The following WHAMM variants were observed in gnomAD, a reference collection of about 807,000 sequenced individuals.
WHAMM encodes WASP homolog associated with actin, golgi membranes and microtubules.
A neutral mutation model predicts 76.5 loss-of-function variants in WHAMM; 67 were observed. The ratio of observed to expected loss-of-function variants is 0.88; its 90% confidence interval spans 0.72 to 1.07. WHAMM has a LOEUF of 1.07. WHAMM is among the 50% of genes least tolerant of loss of function. WHAMM has a pLI of 0.00. For synonymous variants in WHAMM, 419 were observed against 422.1 expected, an observed-to-expected ratio of 0.99 and a Z score of 0.09; for missense variants, 1,021 against 1,051.1, an observed-to-expected ratio of 0.97 and a Z score of 0.40.
At chr15:82,817,716 T>A (rs2050749969) in intron 3 of WHAMM, among the ~76,000 whole-genome samples, 1 of 152,192 alleles carries the variant, frequency 6.6e-6, no homozygotes, top group African/African-American at 2.4e-5. Flanking sequence ...AGATCATGAC[T>A]TACTGTCTTT....
chr15:82,810,590 C>A (rs1418836170), intron 1 of WHAMM: 1 of 985,310 alleles, frequency 1.0e-6, no homozygotes, highest in Non-Finnish European at 1.2e-6. Context: ...TGGGCTAGGC[C>A]CCCAACTTTT....
At chr15:82,827,750 G>A (rs1015668814) in intron 8 of WHAMM, among the ~76,000 whole-genome samples, 1 of 152,126 alleles carries the variant, frequency 6.6e-6, no homozygotes, top group African/African-American at 2.4e-5. Context: ...TTTGAGACCA[G>A]GCTGGGCAAC....
At chr15:82,818,176 TTTTG>T (rs2050759527) in intron 4 of WHAMM, 87 bp downstream of exon 4, 1 of 1,397,926 alleles carries the variant, frequency 7.2e-7, no homozygotes, top group African/African-American at 1.4e-5. Flanking sequence ...CAAGTGCAGT[TTTTG>T]TTCCATGGAT....
chr15:82,816,264 T>C (rs1185068303), intron 2 of WHAMM, among the ~76,000 whole-genome samples: 2 of 152,320 alleles, frequency 1.3e-5, no homozygotes, highest in East Asian at 3.9e-4. Flanking sequence ...ATACAGATAC[T>C]ATATTTTAGG....
At position 82,809,902 on chromosome 15, in the gene WHAMM, C is replaced by T. The variant is rs1247444112; in HGVS notation, c.176C>T (p.Ala59Val). Residue 59 changes from alanine to valine, a missense_variant, in exon 1 of 10, where the codon GCC becomes GTC. Around this residue, in one of 3 missense-constraint regions of WHAMM, gnomAD observed 501 missense variants for 524.9 expected, o/e 0.95. Coordinates refer to ENST00000286760, the MANE Select transcript of WHAMM (RefSeq NM_001080435.3). ...CAGCAGCGGCGGCTGCGCGAGGGGGCCCGGTTGGGGCCCGAGCCCGAGCCC... is the reference window on the plus strand; with the variant it reads ...CAGCAGCGGCGGCTGCGCGAGGGGGTCCGGTTGGGGCCCGAGCCCGAGCCC... ...TAQQRRLREG[A>V]RLGPEPEPKP... 2.6e-6 allele frequency: 4 copies of T among 1,545,230 alleles called. No individual in the cohort carries two copies. Among genetic ancestry groups the T allele is most frequent in the South Asian group, 2.4e-5 (2 of 85,012 alleles).
intron 7 of WHAMM, 80 bp downstream of exon 7, chr15:82,826,576 G>A (rs530084149): frequency 1.3e-5 from 21 of 1,586,098 alleles, no homozygotes; most frequent in Non-Finnish European, 1.7e-5. Flanking sequence ...CTGGAGTTGC[G>A]CTGCCCTGGA....
At chr15:82,812,980 C>G in intron 1 of WHAMM, 123 bp from the exon 2 acceptor site, 1 of 671,802 alleles carries the variant, frequency 1.5e-6, no homozygotes, top group Non-Finnish European at 2.3e-6. Context: ...CATATTTAAT[C>G]AGTATTTAAA....
In WHAMM at chr15:82,833,563, A is replaced by C; in HGVS notation, c.*27A>C. On this transcript the variant is annotated 3_prime_UTR_variant, in exon 10 of 10. Transcript: ENST00000286760. Reference sequence around the variant, plus strand: ...CTCAAGTTTGACAAAGGCACCTGCCACAGTAGGCTTGAATAAAGTGGGTGA... The same window carrying C: ...CTCAAGTTTGACAAAGGCACCTGCCCCAGTAGGCTTGAATAAAGTGGGTGA... The C allele has an allele frequency of 6.2e-7, 1 of 1,607,434 alleles. No individual in the cohort carries two copies. Among genetic ancestry groups the C allele is most frequent in the Non-Finnish European group, 8.5e-7 (1 of 1,177,402 alleles).
chr15:82,817,961 C>T lies in WHAMM; in HGVS notation c.976C>T (p.Gln326Ter). 1 of 1,547,688 alleles carries T rather than the reference C, an allele frequency of 6.5e-7. No individual in the cohort carries two copies. Among genetic ancestry groups the T allele is most frequent in the Non-Finnish European group, 8.7e-7 (1 of 1,145,726 alleles). ...GGAACAGGATGCGAAGAGATTTGGT[C>T]AGGCTGCCTGGGCCACAGCAATTCC... is the stretch of plus-strand genomic sequence containing the variant. ...EMEQDAKRFG[Q>*]AAWATAIPRL... Residue 326 changes from glutamine to a stop codon, truncating the protein, a stop_gained, in exon 4 of 10, where the codon CAG becomes TAG. Coordinates refer to ENST00000286760, the MANE Select transcript of WHAMM (RefSeq NM_001080435.3). LOFTEE classifies it high-confidence loss of function.
rs1472068384 is a variant in WHAMM, at chr15:82,833,604, A to G, written c.*68A>G. ...AAGTGGGTGAGTCTTAGACCTATCG[A>G]AAAGCATACTAACAGGGTGCTGATA... is the stretch of plus-strand genomic sequence containing the variant. On this transcript the variant is annotated 3_prime_UTR_variant, in exon 10 of 10. Transcript: ENST00000286760. The G allele has an allele frequency of 1.3e-6, 2 of 1,521,640 alleles. No individual in the cohort carries two copies. Among genetic ancestry groups the G allele is most frequent in the Non-Finnish European group, 1.8e-6 (2 of 1,128,450 alleles). The allele number at this position is 1,521,640 out of a possible 1,614,324, so 94.3% of individuals were successfully genotyped here.
rs1240847427 is a variant in WHAMM, at chr15:82,813,580, G to A, written c.783+304G>A. On this transcript the variant is annotated intron_variant, in intron 2 of 9. Transcript: ENST00000286760. ...ATTGATAGAAAATGAAGACATTTAC[G>A]TTGGTCATCTTAATAGCTTAAGATT... Among the ~76,000 whole-genome samples the A allele has an allele frequency of 4.0e-5, 6 of 148,180 alleles. No individual in the cohort carries two copies. In the East Asian group the frequency reaches 8.0e-4, roughly 20 times the overall value.
At chr15:82,814,931 G>A (rs1476974890) in intron 2 of WHAMM, among the ~76,000 whole-genome samples, 1 of 149,134 alleles carries the variant, frequency 6.7e-6, no homozygotes, top group Non-Finnish European at 1.5e-5. Flanking sequence ...CACCATGCCC[G>A]GCTAATTTTT....
At chr15:82,822,878 AC>A (rs1285200544) in intron 5 of WHAMM, among the ~76,000 whole-genome samples, 1 of 151,444 alleles carries the variant, frequency 6.6e-6, no homozygotes, top group Non-Finnish European at 1.5e-5. Context: ...ACATGCATAC[AC>A]TACATGGATA....
At chr15:82,815,745 G>A (rs1199137938) in intron 2 of WHAMM, among the ~76,000 whole-genome samples, 1 of 152,170 alleles carries the variant, frequency 6.6e-6, no homozygotes, top group African/African-American at 2.4e-5. Context: ...TGTCTCTTTG[G>A]TTACAGCCAT....
intron 9 of WHAMM, 21 bp from the exon 10 acceptor site, chr15:82,833,208 G>C (rs762205997): frequency 6.2e-7 from 1 of 1,608,176 alleles, no homozygotes; most frequent in East Asian, 2.2e-5. Flanking sequence ...GATAGTACTA[G>C]CTCTGCTTAT....
In WHAMM at chr15:82,825,201, T is replaced by C. The variant is rs192208124; in HGVS notation, c.1459-1209T>C. On this transcript the variant is annotated intron_variant, in intron 6 of 9. Coordinates refer to ENST00000286760, the MANE Select transcript of WHAMM (RefSeq NM_001080435.3). Reference sequence around the variant, plus strand: ...TGTTTGTGTTTAAGAATTGTACTTCTGGATTTAGGAACTGTTATTCAGAGG... The same window carrying C: ...TGTTTGTGTTTAAGAATTGTACTTCCGGATTTAGGAACTGTTATTCAGAGG... Among the ~76,000 whole-genome samples, 639 of 152,344 alleles carry C rather than the reference T, an allele frequency of 4.2e-3. 21 individuals carry two copies. The highest frequency in any genetic ancestry group is 0.037 in the Admixed American group (564 of 15,304).
At chr15:82,833,177 G>C in intron 9 of WHAMM, 52 bp from the exon 10 acceptor site, 1 of 1,550,634 alleles carries the variant, frequency 6.4e-7, no homozygotes, top group Non-Finnish European at 8.8e-7. Context: ...GTAATGTCCT[G>C]GGAAGGGAAA....
chr15:82,826,935 A>G (rs2050946360), intron 8 of WHAMM, 89 bp downstream of exon 8: 1 of 1,341,464 alleles, frequency 7.5e-7, no homozygotes, highest in Non-Finnish European at 1.0e-6. Flanking sequence ...AAGTATTAAG[A>G]ACAGGTCATT....
chr15:82,809,763 G>T lies in WHAMM; in HGVS notation c.37G>T (p.Val13Leu). The T allele has an allele frequency of 6.3e-7, 1 of 1,582,230 alleles. No homozygotes were observed. Among genetic ancestry groups the T allele is most frequent in the Non-Finnish European group, 8.6e-7 (1 of 1,164,932 alleles). ...DEQPDSLEGW[V>L]PVREGLFAEP... is the part of the protein sequence containing the mutation. ...GCAGCCTGACAGCCTGGAGGGCTGG[G>T]TGCCGGTCCGGGAGGGCCTCTTCGC... Residue 13 changes from valine to leucine, a missense_variant, in exon 1 of 10, where the codon GTG (valine) becomes TTG (leucine). Around this residue, in one of 3 missense-constraint regions of WHAMM, gnomAD observed 501 missense variants for 524.9 expected, o/e 0.95. Coordinates refer to ENST00000286760, the MANE Select transcript of WHAMM (RefSeq NM_001080435.3).
Sources: gnomAD v4.1 joint callset for allele counts (sites outside exome capture counted in the v4.1 genomes callset) on GRCh38, gnomAD v4.1.1 for gene constraint, gnomAD v4.1.1 regional missense constraint, MANE v1.5 for transcripts, NCBI Gene and HGNC (gene_info 2026-07-23, HGNC 2026-07-21) for gene names.